RAPGEF2: variants seen among roughly 807,000 people sequenced by gnomAD.
The protein encoded by RAPGEF2 is PDZ domain containing guanine nucleotide exchange factor (GEF) 1.
A neutral mutation model predicts 186.7 loss-of-function variants in RAPGEF2; 54 were observed. The ratio of observed to expected loss-of-function variants is 0.29; its 90% CI spans 0.23 to 0.36. The LOEUF is 0.36. Ranked by LOEUF, RAPGEF2 falls within the 10% of genes least tolerant of loss-of-function variation. The pLI, the probability that RAPGEF2 is intolerant of heterozygous loss-of-function variation, is 1.00. For missense variants in RAPGEF2, 1,532 were observed against 2,045.0 expected (o/e 0.75, Z 4.84); for synonymous variants, 712 against 705.9 (o/e 1.01, Z -0.14).
chr4:159,254,379 C>CT (rs1447612476), intron 7 of RAPGEF2, among the ~76,000 whole-genome samples: 1 of 152,190 alleles, frequency 6.6e-6, no homozygotes, highest in East Asian at 1.9e-4. Context: ...TTTATGAACT[C>CT]TTAAGAGTCT....
chr4:159,161,426 T>A (rs146968171), intron 1 of RAPGEF2, among the ~76,000 whole-genome samples: 1 of 152,184 alleles, frequency 6.6e-6, no homozygotes, highest in African/African-American at 2.4e-5. Flanking sequence ...TAATTTAGGC[T>A]GGGCACCGTG....
chr4:159,137,415 A>G (rs1356869258), intron 1 of RAPGEF2, among the ~76,000 whole-genome samples: 2 of 152,142 alleles, frequency 1.3e-5, no homozygotes, highest in African/African-American at 2.4e-5. Context: ...CTCCTCTTGT[A>G]TAAGAACACC....
At chr4:159,170,111 A>G (rs1237176143) in intron 1 of RAPGEF2, among the ~76,000 whole-genome samples, 1 of 149,364 alleles carries the variant, frequency 6.7e-6, no homozygotes, top group African/African-American at 2.5e-5. Context: ...CCATTCTTAC[A>G]TGTATGAGGT....
At chr4:159,146,674 T>G (rs533811044) in intron 1 of RAPGEF2, among the ~76,000 whole-genome samples, 1 of 152,330 alleles carries the variant, frequency 6.6e-6, no homozygotes, top group African/African-American at 2.4e-5. Flanking sequence ...GAGGAAGAAC[T>G]GGGATTTGAA....
At chr4:159,209,263 T>G (rs1211419720) in intron 3 of RAPGEF2, among the ~76,000 whole-genome samples, 1 of 148,426 alleles carries the variant, frequency 6.7e-6, no homozygotes, top group Non-Finnish European at 1.5e-5. Context: ...TTAAAAGTTA[T>G]GAAGTGATTT....
chr4:159,224,574 C>G (rs1751836937), intron 4 of RAPGEF2, among the ~76,000 whole-genome samples: 1 of 152,178 alleles, frequency 6.6e-6, no homozygotes, highest in African/African-American at 2.4e-5. Context: ...GTCCCACGCC[C>G]TAGAGATTTT....
At chr4:159,274,989 A>G (rs1178303894) in intron 7 of RAPGEF2, among the ~76,000 whole-genome samples, 1 of 150,218 alleles carries the variant, frequency 6.7e-6, no homozygotes, top group Non-Finnish European at 1.5e-5. Flanking sequence ...ACTCTCTGCC[A>G]TTTCTTCTTC....
At chr4:159,217,424 C>T (rs776415434) in intron 4 of RAPGEF2, among the ~76,000 whole-genome samples, 2 of 152,112 alleles carry the variant, frequency 1.3e-5, no homozygotes, top group African/African-American at 4.8e-5. Context: ...ACATGTGATA[C>T]TTGGTTTTCG....
chr4:159,311,447 A>T (rs937696776), intron 8 of RAPGEF2, among the ~76,000 whole-genome samples: 1 of 152,174 alleles, frequency 6.6e-6, no homozygotes, highest in Admixed American at 6.5e-5. Flanking sequence ...AAGGTGTACA[A>T]GTTCTAAGAT....
chr4:159,172,490 G>A (rs76874030), intron 1 of RAPGEF2, among the ~76,000 whole-genome samples: 1 of 152,258 alleles, frequency 6.6e-6, no homozygotes, highest in African/African-American at 2.4e-5. Context: ...TCTGATTTCT[G>A]GAGAATCTTG....
At chr4:159,154,518 T>TAA (rs200664622) in intron 1 of RAPGEF2, among the ~76,000 whole-genome samples, 5 of 141,616 alleles carry the variant, frequency 3.5e-5, no homozygotes, top group African/African-American at 1.4e-4. Flanking sequence ...TTTTTTTTTT[T>TAA]TAAAAAAAAC....
chr4:159,203,750 C>T (rs953649873), intron 3 of RAPGEF2, among the ~76,000 whole-genome samples: 4 of 151,884 alleles, frequency 2.6e-5, no homozygotes, highest in African/African-American at 4.8e-5. Context: ...CAGAGACGAT[C>T]GTAAGAGAGG....
At chr4:159,302,152 G>A (rs563837553) in intron 7 of RAPGEF2, among the ~76,000 whole-genome samples, 1 of 152,264 alleles carries the variant, frequency 6.6e-6, no homozygotes, top group East Asian at 1.9e-4. Context: ...ATAGATTGTG[G>A]TATCTAAAAG....
At position 159,308,516 on chromosome 4, in the gene RAPGEF2, T is replaced by C. The variant is rs28664139; in HGVS notation, c.675+4043T>C. Among the ~76,000 whole-genome samples the C allele has an allele frequency of 7.0e-3, 1,066 of 152,304 alleles. 11 individuals carry two copies. Among genetic ancestry groups the C allele is most frequent in the African/African-American group, 0.024 (1,010 of 41,568 alleles). On this transcript the variant is annotated intron_variant, in intron 8 of 29. Transcript: ENST00000691494. ...GTGAATCAAGCATCCAGTTTATTCT[T>C]GAACAATTCCAAGGGTGAGCAACTT...
At chr4:159,290,978 A>T (rs1761130758) in intron 7 of RAPGEF2, among the ~76,000 whole-genome samples, 2 of 152,366 alleles carry the variant, frequency 1.3e-5, no homozygotes, top group African/African-American at 4.8e-5. Context: ...TTATCATTGA[A>T]ATCCTTAGAA....
chr4:159,330,719 C>T (rs1766577240), intron 13 of RAPGEF2: 2 of 451,554 alleles, frequency 4.4e-6, no homozygotes, highest in Non-Finnish European at 7.7e-6. Context: ...CTTCTTTAAA[C>T]ACAAAGGCCA....
At chr4:159,273,521 GAA>G (rs530942079) in intron 7 of RAPGEF2, among the ~76,000 whole-genome samples, 4 of 151,790 alleles carry the variant, frequency 2.6e-5, no homozygotes, top group African/African-American at 9.7e-5. Context: ...TTAGATTACT[GAA>G]AAAAAGAATG....
At chr4:159,280,899 G>A (rs1455901722) in intron 7 of RAPGEF2, among the ~76,000 whole-genome samples, 1 of 151,810 alleles carries the variant, frequency 6.6e-6, no homozygotes, top group Non-Finnish European at 1.5e-5. Flanking sequence ...AAACAATAAA[G>A]TACTTTATTT....
chr4:159,298,548 A>T (rs546233023), intron 7 of RAPGEF2, among the ~76,000 whole-genome samples: 60 of 152,366 alleles, frequency 3.9e-4, no homozygotes, highest in Admixed American at 3.6e-3. Context: ...AACAAGTCAG[A>T]GTGTCAGAAC....
Sources: allele counts gnomAD v4.1 joint callset (sites outside exome capture counted in the v4.1 genomes callset), GRCh38; gene constraint gnomAD v4.1.1; transcripts MANE v1.5; gene names NCBI Gene and HGNC (gene_info 2026-07-23, HGNC 2026-07-21).